Variants in ERC1 observed in about 807,000 individuals in gnomAD.
The protein encoded by ERC1 is RAB6 interacting protein 2.
ERC1 carries 56 observed loss-of-function variants against 132.0 expected under a neutral mutation model. The ratio of observed to expected loss-of-function variants is 0.42; its 90% confidence interval spans 0.34 to 0.53. The LOEUF is 0.53. ERC1 is among the 20% of genes least tolerant of loss of function. The probability of loss-of-function intolerance (pLI) is 0.03; values close to 1 mark genes in which losing one functional copy is unlikely to be tolerated. For missense variants in ERC1, 1,202 were observed against 1,349.9 expected, an observed-to-expected ratio of 0.89 and a Z score of 1.72; for synonymous variants, 478 against 476.1, an observed-to-expected ratio of 1.00 and a Z score of -0.05.
chr12:1,145,253 G>A (rs939847538), intron 8 of ERC1, among the ~76,000 whole-genome samples: 1 of 152,110 alleles, frequency 6.6e-6, no homozygotes, highest in Non-Finnish European at 1.5e-5. Flanking sequence ...CTGATCTCAG[G>A]TGATCCACCC....
rs569429459 is a variant in ERC1 at position 1,288,899 on chromosome 12, A to G, written c.2620-953A>G. Among the ~76,000 whole-genome samples, 4 of 152,266 alleles carry G rather than the reference A, an allele frequency of 2.6e-5. No homozygotes were observed. The East Asian group carries it at 7.7e-4, about 29-fold the overall frequency. ...AATTCTGATTTGGTAGCCACCTGGA[A>G]TAAGTGGAAATTACTGATAAAGTAC... On this transcript the variant is annotated intron_variant, in intron 14 of 18. Coordinates refer to ENST00000360905, the MANE Select transcript of ERC1 (RefSeq NM_178040.4).
chr12:1,055,653 A>T (rs771124274), intron 2 of ERC1, among the ~76,000 whole-genome samples: 26 of 152,364 alleles, frequency 1.7e-4, no homozygotes, highest in South Asian at 6.2e-4. Context: ...ATATGTATGT[A>T]TACAATGATC....
In ERC1 at chr12:1,259,260, C is replaced by T. The variant is rs145946506; in HGVS notation, c.2488-3774C>T. ...TGTTTATTTTTATCTTTCCAAATGA[C>T]ATTCTTATATTATTGTTGTATTATT... On this transcript the variant is annotated intron_variant, in intron 13 of 18. Coordinates refer to ENST00000360905, the MANE Select transcript of ERC1 (RefSeq NM_178040.4). Among the ~76,000 whole-genome samples the T allele has an allele frequency of 7.8e-3, 1,188 of 152,082 alleles. 20 individuals carry two copies. Among genetic ancestry groups the T allele is most frequent in the African/African-American group, 0.027 (1,111 of 41,498 alleles).
chr12:1,058,807 T>TTA (rs1555220547), intron 2 of ERC1, among the ~76,000 whole-genome samples: 1 of 150,584 alleles, frequency 6.6e-6, no homozygotes, highest in East Asian at 1.9e-4. Flanking sequence ...TTTTTTTTTT[T>TTA]AAGAGACGAG....
chr12:1,085,487 ATTG>A (rs1300054726), intron 3 of ERC1, among the ~76,000 whole-genome samples: 1 of 101,526 alleles, frequency 9.8e-6, no homozygotes, highest in Non-Finnish European at 2.0e-5. Flanking sequence ...TATTATTATT[ATTG>A]TTGTTGTTGT....
intron 15 of ERC1, among the ~76,000 whole-genome samples, chr12:1,357,904 G>T (rs1284661599): frequency 6.6e-6 from 1 of 152,132 alleles, no homozygotes; most frequent in Non-Finnish European, 1.5e-5. Flanking sequence ...ACATAATTCA[G>T]TAGAGATTTT....
chr12:1,040,414 C>A (rs550945887), intron 2 of ERC1, among the ~76,000 whole-genome samples: 1 of 149,072 alleles, frequency 6.7e-6, no homozygotes, highest in South Asian at 2.1e-4. Context: ...TCATGTCATT[C>A]TCCTGCCTCA....
intron 18 of ERC1, among the ~76,000 whole-genome samples, chr12:1,459,182 T>G (rs1247120440): frequency 3.9e-5 from 6 of 152,220 alleles, no homozygotes; most frequent in African/African-American, 1.4e-4. Context: ...AATAATACAT[T>G]AGGTTTCTGA....
intron 3 of ERC1, among the ~76,000 whole-genome samples, chr12:1,101,685 A>G (rs571832493): frequency 6.4e-4 from 97 of 152,358 alleles, no homozygotes; most frequent in African/African-American, 2.2e-3. Flanking sequence ...GTTCCCACAC[A>G]TGCTAAGGAA....
intron 13 of ERC1, among the ~76,000 whole-genome samples, chr12:1,250,909 C>G (rs1444675121): frequency 6.6e-6 from 1 of 152,084 alleles, no homozygotes; most frequent in Non-Finnish European, 1.5e-5. Flanking sequence ...TGCTGTGGTG[C>G]TGTGAGACAG....
intron 18 of ERC1, among the ~76,000 whole-genome samples, chr12:1,483,504 G>A (rs1356624525): frequency 3.3e-5 from 5 of 152,044 alleles, no homozygotes; most frequent in African/African-American, 4.8e-5. Flanking sequence ...TAAGGTCGTA[G>A]AGTATCAGAA....
chr12:1,315,072 T>C (rs868758712), intron 15 of ERC1, among the ~76,000 whole-genome samples: 10 of 152,194 alleles, frequency 6.6e-5, no homozygotes, highest in African/African-American at 2.4e-4. Context: ...TTATTGAGAA[T>C]GGAGTCTCAC....
At chr12:1,173,429 A>T (rs1188512883) in intron 8 of ERC1, among the ~76,000 whole-genome samples, 1 of 152,192 alleles carries the variant, frequency 6.6e-6, no homozygotes, top group African/African-American at 2.4e-5. Flanking sequence ...GTCCTAAACA[A>T]TGGAGAGTTT....
chr12:1,162,416 C>A (rs914186272), intron 8 of ERC1, among the ~76,000 whole-genome samples: 8 of 151,554 alleles, frequency 5.3e-5, no homozygotes, highest in Admixed American at 3.3e-4. Flanking sequence ...CAGATGCTAT[C>A]AACATTCCCT....
intron 12 of ERC1, among the ~76,000 whole-genome samples, chr12:1,221,295 A>T (rs1284063561): frequency 6.6e-6 from 1 of 152,238 alleles, no homozygotes; most frequent in African/African-American, 2.4e-5. Context: ...GTAAACATTG[A>T]TTAATTGCCA....
chr12:1,064,852 A>T (rs949959007), intron 2 of ERC1, among the ~76,000 whole-genome samples: 1 of 152,264 alleles, frequency 6.6e-6, no homozygotes, highest in Middle Eastern at 3.4e-3. Flanking sequence ...TTCCGCTATT[A>T]TTTCATTAAA....
At chr12:1,148,734 T>A (rs776142697) in intron 8 of ERC1, among the ~76,000 whole-genome samples, 5 of 152,190 alleles carry the variant, frequency 3.3e-5, no homozygotes, top group Non-Finnish European at 5.9e-5. Flanking sequence ...CCTGAGCAGC[T>A]GGGATTACAG....
In ERC1 at chr12:1,279,725, G is replaced by A. The variant is rs2078542226; in HGVS notation, c.2620-10127G>A. ...TTTTTTTGAGACGGAGTCTCGCTCTGTCGCCCAGGCCGGACTGCGGACTGC... is the reference window on the plus strand; with the variant it reads ...TTTTTTTGAGACGGAGTCTCGCTCTATCGCCCAGGCCGGACTGCGGACTGC... On this transcript the variant is annotated intron_variant, in intron 14 of 18. Coordinates refer to ENST00000360905, the MANE Select transcript of ERC1 (RefSeq NM_178040.4). Among the ~76,000 whole-genome samples the A allele has an allele frequency of 2.0e-5, 3 of 147,810 alleles. No homozygotes were observed. The South Asian group carries it at 6.4e-4, about 31-fold the overall frequency.
At chr12:1,094,873 A>G (rs1256884472) in intron 3 of ERC1, among the ~76,000 whole-genome samples, 1 of 152,138 alleles carries the variant, frequency 6.6e-6, no homozygotes, top group Non-Finnish European at 1.5e-5. Context: ...AGTTCTTTCC[A>G]TTTACCCTCC....
Sources: gnomAD v4.1 joint callset for allele counts (sites outside exome capture counted in the v4.1 genomes callset) on GRCh38, gnomAD v4.1.1 for gene constraint, MANE v1.5 for transcripts, NCBI Gene and HGNC (gene_info 2026-07-23, HGNC 2026-07-21) for gene names.